The following ITGBL1 variants were observed in gnomAD, a reference collection of about 807,000 sequenced individuals.
The protein encoded by ITGBL1 is integrin subunit beta like 1.
ITGBL1 carries 51 observed loss-of-function variants against 68.5 expected under a neutral mutation model. The ratio of observed to expected loss-of-function variants is 0.74; its 90% CI spans 0.59 to 0.94. ITGBL1 has a LOEUF of 0.94. Among genes scored for constraint, ITGBL1 ranks in the 40% least tolerant of loss-of-function variants. ITGBL1 has a pLI of 0.00. For synonymous variants in ITGBL1, 209 were observed against 227.3 expected (o/e 0.92, Z 0.72); for missense variants, 649 against 647.4 (o/e 1.00, Z -0.03).
intron 2 of ITGBL1, among the ~76,000 whole-genome samples, chr13:101,455,855 A>G (rs935856240): frequency 1.3e-5 from 2 of 152,106 alleles, no homozygotes; most frequent in Non-Finnish European, 2.9e-5. Context: ...AGCCCTCTTC[A>G]ATATCATGAA....
intron 7 of ITGBL1, among the ~76,000 whole-genome samples, chr13:101,615,224 C>A (rs887155212): frequency 6.6e-6 from 1 of 152,030 alleles, no homozygotes; most frequent in Admixed American, 6.6e-5. Flanking sequence ...CTTCTCCTTT[C>A]TCCCATAAGC....
At chr13:101,635,031 T>C (rs185518689) in intron 7 of ITGBL1, among the ~76,000 whole-genome samples, 164 of 151,968 alleles carry the variant, frequency 1.1e-3, no homozygotes, top group Non-Finnish European at 2.0e-3. Context: ...TTTTTTTAGC[T>C]TTATGTGCAT....
At chr13:101,718,733 A>G (rs2034814435), downstream of ITGBL1, 1 of 151,920 alleles carries the variant, frequency 6.6e-6, no homozygotes, top group Non-Finnish European at 1.5e-5. Flanking sequence ...TCAAATGCAA[A>G]CACAATCTCT....
chr13:101,483,262 C>T (rs1001377327), intron 2 of ITGBL1, among the ~76,000 whole-genome samples: 6 of 152,152 alleles, frequency 3.9e-5, no homozygotes, highest in African/African-American at 1.4e-4. Context: ...GTCCTTCAGC[C>T]AATCACAATG....
rs139939591 is a variant in ITGBL1 at position 101,466,592 on chromosome 13, C to T, written c.316+12492C>T. On this transcript the variant is annotated intron_variant, in intron 2 of 10. Transcript: ENST00000376180. ...TAGTTAGATCTTAACATCACTGTCACTTAATACAGTCTACACCAAACACAT... is the reference window on the plus strand; with the variant it reads ...TAGTTAGATCTTAACATCACTGTCATTTAATACAGTCTACACCAAACACAT... 2.6e-3 allele frequency among the ~76,000 whole-genome samples: 396 copies of T among 152,284 alleles called. 2 individuals are homozygous for T. Among genetic ancestry groups the T allele is most frequent in the African/African-American group, 8.8e-3 (367 of 41,562 alleles).
intron 6 of ITGBL1, among the ~76,000 whole-genome samples, chr13:101,585,738 A>C (rs890677401): frequency 2.8e-4 from 43 of 152,248 alleles, no homozygotes; most frequent in African/African-American, 9.4e-4. Flanking sequence ...CGGCAATGTC[A>C]TTTTAAGATT....
At chr13:101,539,761 G>T (rs563340943) in intron 2 of ITGBL1, among the ~76,000 whole-genome samples, 2 of 151,572 alleles carry the variant, frequency 1.3e-5, no homozygotes, top group African/African-American at 4.9e-5. Flanking sequence ...GTGTGAGATG[G>T]TATCTCATTG....
At chr13:101,544,579 G>C (rs2049782499) in intron 2 of ITGBL1, among the ~76,000 whole-genome samples, 1 of 152,178 alleles carries the variant, frequency 6.6e-6, no homozygotes, top group African/African-American at 2.4e-5. Context: ...TCTTTTCAAA[G>C]CTATCAGACA....
rs1050433063 is a variant in ITGBL1 at position 101,574,805 on chromosome 13, G to A, written c.464-619G>A. ...ATGACTACCATGCCTCTCTAACGTG[G>A]AGGTCCCCTGAGAATCTGGTGAGTT... is the stretch of plus-strand genomic sequence containing the variant. On this transcript the variant is annotated intron_variant, in intron 3 of 10. Coordinates refer to ENST00000376180, the MANE Select transcript of ITGBL1 (RefSeq NM_004791.3). Among the ~76,000 whole-genome samples the A allele has an allele frequency of 5.3e-5, 8 of 152,154 alleles. No individual in the cohort carries two copies. In the South Asian group the frequency reaches 6.2e-4, roughly 12 times the overall value.
At chr13:101,584,020 A>T (rs963479983) in intron 6 of ITGBL1, among the ~76,000 whole-genome samples, 1 of 152,260 alleles carries the variant, frequency 6.6e-6, no homozygotes, top group Non-Finnish European at 1.5e-5. Flanking sequence ...ATTACAAAAC[A>T]GGATAATACA....
intron 7 of ITGBL1, among the ~76,000 whole-genome samples, chr13:101,659,097 G>C (rs1028389731): frequency 1.4e-5 from 2 of 145,356 alleles, no homozygotes; most frequent in African/African-American, 2.6e-5. Flanking sequence ...AGGCTGGAGA[G>C]CTGGAGTGCA....
At chr13:101,714,828 G>GT in intron 10 of ITGBL1, 1 of 415,158 alleles carries the variant, frequency 2.4e-6, no homozygotes, top group Non-Finnish European at 4.3e-6. Context: ...CATGTATGCA[G>GT]TTGTATATTG....
chr13:101,458,444 G>A (rs2048274032), intron 2 of ITGBL1, among the ~76,000 whole-genome samples: 1 of 152,202 alleles, frequency 6.6e-6, no homozygotes, highest in South Asian at 2.1e-4. Flanking sequence ...TAAAAGATAT[G>A]TTGAGAATTA....
intron 7 of ITGBL1, among the ~76,000 whole-genome samples, chr13:101,671,422 C>CTTTTTTT (rs1190065334): frequency 2.5e-5 from 3 of 117,998 alleles, no homozygotes; most frequent in Admixed American, 9.8e-5. Context: ...AAAAGTATAC[C>CTTTTTTT]TTTGTTTTTT....
chr13:101,564,647 A>C (rs1375947639), intron 2 of ITGBL1, among the ~76,000 whole-genome samples: 1 of 149,694 alleles, frequency 6.7e-6, no homozygotes, highest in Non-Finnish European at 1.5e-5. Context: ...TTATATATAC[A>C]TATATATGAC....
intron 2 of ITGBL1, among the ~76,000 whole-genome samples, chr13:101,551,890 T>C (rs969795601): frequency 3.3e-5 from 5 of 152,212 alleles, no homozygotes; most frequent in South Asian, 2.1e-4. Context: ...TTATCTATCA[T>C]GACAGATTTT....
At chr13:101,634,156 C>A (rs529155239) in intron 7 of ITGBL1, among the ~76,000 whole-genome samples, 1 of 152,036 alleles carries the variant, frequency 6.6e-6, no homozygotes, top group Non-Finnish European at 1.5e-5. Flanking sequence ...CAAATTCAAT[C>A]GAATATATTT....
intron 7 of ITGBL1, among the ~76,000 whole-genome samples, chr13:101,648,600 A>G (rs566699826): frequency 2.6e-5 from 4 of 152,336 alleles, no homozygotes; most frequent in African/African-American, 9.6e-5. Flanking sequence ...AACAAATGGA[A>G]GGGAAGAAAT....
intron 7 of ITGBL1, among the ~76,000 whole-genome samples, chr13:101,673,283 C>T (rs866455646): frequency 1.3e-5 from 2 of 152,176 alleles, no homozygotes; most frequent in African/African-American, 4.8e-5. Flanking sequence ...TTGCATCTGT[C>T]ATGCCCATCC....
Sources: allele counts gnomAD v4.1 joint callset (sites outside exome capture counted in the v4.1 genomes callset), GRCh38; gene constraint gnomAD v4.1.1; transcripts MANE v1.5; gene names NCBI Gene and HGNC (gene_info 2026-07-23, HGNC 2026-07-21).